ZDHHC21: variants seen among roughly 807,000 people sequenced by gnomAD.
ZDHHC21 encodes palmitoyltransferase ZDHHC21.
A neutral mutation model predicts 34.6 loss-of-function variants in ZDHHC21; 15 were observed. That is an observed-to-expected ratio of 0.43 (90% confidence interval 0.29 to 0.67). ZDHHC21 has a LOEUF of 0.67. Among genes scored for constraint, ZDHHC21 ranks in the 30% least tolerant of loss-of-function variants. The pLI is 0.14. For synonymous variants in ZDHHC21, 142 were observed against 101.8 expected (o/e 1.40, Z -2.38); for missense variants, 344 against 327.7 (o/e 1.05, Z -0.38).
In ZDHHC21 at chr9:14,691,975, T is replaced by C. The variant is rs928981292; in HGVS notation, c.-225+1254A>G. ...GGTATAGAGAAAATAACATGGGTCA[T>C]TGCCCTACCTGTAAACCCACAGCTG... On this transcript the variant is annotated intron_variant, in intron 1 of 9. Transcript: ENST00000380916. Among the ~76,000 whole-genome samples the C allele has an allele frequency of 2.6e-5, 4 of 152,228 alleles. No homozygotes were observed. In the South Asian group the frequency reaches 6.2e-4, roughly 24 times the overall value.
intron 6 of ZDHHC21, among the ~76,000 whole-genome samples, chr9:14,661,654 C>G (rs1465557082): frequency 6.6e-6 from 1 of 152,142 alleles, no homozygotes; most frequent in Non-Finnish European, 1.5e-5. Flanking sequence ...TACAAGAGAG[C>G]CCCCTATTGA....
intron 7 of ZDHHC21, among the ~76,000 whole-genome samples, chr9:14,657,344 C>A (rs1832432230): frequency 1.3e-5 from 2 of 152,056 alleles, no homozygotes; most frequent in East Asian, 3.8e-4. Flanking sequence ...TATATTATTT[C>A]ATTTAATCTC....
chr9:14,658,464 CTTTTTTT>C (rs769819264), intron 7 of ZDHHC21, among the ~76,000 whole-genome samples: 6 of 65,390 alleles, frequency 9.2e-5, no homozygotes, highest in Admixed American at 2.7e-4. Flanking sequence ...ATAAACATTT[CTTTTTTT>C]TTTTTTTTTT....
At chr9:14,642,683 G>A (rs750506252) in intron 7 of ZDHHC21, among the ~76,000 whole-genome samples, 1 of 152,164 alleles carries the variant, frequency 6.6e-6, no homozygotes, top group Non-Finnish European at 1.5e-5. Context: ...AGAGAAGGTG[G>A]TTATCTGCAA....
intron 8 of ZDHHC21, among the ~76,000 whole-genome samples, chr9:14,621,146 A>C (rs987745837): frequency 3.3e-5 from 5 of 152,072 alleles, no homozygotes; most frequent in Non-Finnish European, 5.9e-5. Flanking sequence ...CTTACACAAA[A>C]GTACGAAGAA....
intron 2 of ZDHHC21, among the ~76,000 whole-genome samples, chr9:14,681,322 C>T (rs1837331785): frequency 6.6e-6 from 1 of 152,114 alleles, no homozygotes; most frequent in African/African-American, 2.4e-5. Context: ...TGGGCTCAAG[C>T]AATCCTCCTG....
At chr9:14,625,775 A>C (rs1466323216) in intron 8 of ZDHHC21, among the ~76,000 whole-genome samples, 1 of 151,734 alleles carries the variant, frequency 6.6e-6, no homozygotes, top group Non-Finnish European at 1.5e-5. Context: ...ACTACAAGAG[A>C]CTACACATAT....
At chr9:14,658,464 C>CTT (rs769819264) in intron 7 of ZDHHC21, among the ~76,000 whole-genome samples, 922 of 65,340 alleles carry the variant, frequency 0.014, 365 homozygotes, top group East Asian at 0.078. Context: ...ATAAACATTT[C>CTT]TTTTTTTTTT....
At chr9:14,634,863 T>C (rs1321530204) in intron 8 of ZDHHC21, among the ~76,000 whole-genome samples, 1 of 152,034 alleles carries the variant, frequency 6.6e-6, no homozygotes, top group East Asian at 1.9e-4. Context: ...AAGATATATA[T>C]GAAATCCCAG....
intron 8 of ZDHHC21, among the ~76,000 whole-genome samples, chr9:14,628,572 G>A (rs186694925): frequency 2.3e-5 from 2 of 86,460 alleles, no homozygotes; most frequent in Admixed American, 2.6e-4. Context: ...GGATCTTTAG[G>A]GTGCAAGAGT....
intron 7 of ZDHHC21, among the ~76,000 whole-genome samples, chr9:14,653,784 C>T (rs1173625561): frequency 6.6e-6 from 1 of 151,974 alleles, no homozygotes; most frequent in Non-Finnish European, 1.5e-5. Context: ...ATTAAAATCA[C>T]CTGGGAAGAA....
intron 8 of ZDHHC21, among the ~76,000 whole-genome samples, chr9:14,631,206 A>C (rs1449211839): frequency 6.6e-6 from 1 of 152,178 alleles, no homozygotes; most frequent in Non-Finnish European, 1.5e-5. Context: ...TCTTTTGGAT[A>C]ATTTGTTGCA....
chr9:14,658,743 T>G lies in ZDHHC21; in HGVS notation c.504+6A>C. The G allele has an allele frequency of 1.9e-6, 3 of 1,613,326 alleles. No individual in the cohort carries two copies. The South Asian group carries it at 3.3e-5, about 18-fold the overall frequency. On this transcript the variant is annotated splice_donor_region_variant and intron_variant, in intron 7 of 9. Transcript: ENST00000380916. ...GCCTCGGCCTCCCAATATAAACATT[T>G]CTTACCAAATTACGCTTTTTTAGTG...
In ZDHHC21 at chr9:14,614,290, G is replaced by C. The variant is rs1823813562; in HGVS notation, c.*4676C>G. The C allele has an allele frequency of 1.2e-5, 1 of 83,194 alleles. No homozygotes were observed. Among genetic ancestry groups the C allele is most frequent in the African/African-American group, 4.6e-5 (1 of 21,782 alleles). The allele number at this position is 83,194 out of a possible 1,614,324, so 5.2% of individuals were successfully genotyped here. A position where few individuals can be genotyped will look rare whatever the true frequency, so the allele number is the denominator to read the frequency against. On this transcript the variant is annotated 3_prime_UTR_variant, in exon 10 of 10. Coordinates refer to ENST00000380916, the MANE Select transcript of ZDHHC21 (RefSeq NM_178566.6). ...AATATAATGATAATGGAAAGTATCA[G>C]TAATATCAATGACTTTTTAAAATAC...
chr9:14,649,092 T>C (rs185833385), intron 7 of ZDHHC21, among the ~76,000 whole-genome samples: 5 of 152,088 alleles, frequency 3.3e-5, no homozygotes, highest in African/African-American at 7.2e-5. Flanking sequence ...TAGATGCCAG[T>C]AGCACTCCCC....
At chr9:14,690,534 G>A (rs1266412136) in intron 1 of ZDHHC21, 149 bp from the exon 2 acceptor site, 10 of 346,578 alleles carry the variant, frequency 2.9e-5, no homozygotes, top group East Asian at 8.4e-5. Flanking sequence ...GCAACACATC[G>A]GTTAAGAGAG....
chr9:14,683,609 T>C (rs1488257303), intron 2 of ZDHHC21: 1 of 152,148 alleles, frequency 6.6e-6, no homozygotes, highest in African/African-American at 2.4e-5. Flanking sequence ...CACAGCCAAA[T>C]TCTACCAGAG....
intron 7 of ZDHHC21, among the ~76,000 whole-genome samples, chr9:14,652,545 A>G (rs1383193347): frequency 2.6e-5 from 4 of 152,012 alleles, no homozygotes; most frequent in African/African-American, 7.2e-5. Flanking sequence ...GCATTAAGTT[A>G]CTATAAAAAA....
chr9:14,609,176 CA>C (rs33974270), downstream of ZDHHC21, among the ~76,000 whole-genome samples: 115,046 of 151,888 alleles, frequency 0.76, 44,304 homozygotes, highest in African/African-American at 0.9. Flanking sequence ...GATGAAACAG[CA>C]AAAAACCATT....
Sources: gnomAD v4.1 joint callset for allele counts (sites outside exome capture counted in the v4.1 genomes callset) on GRCh38, gnomAD v4.1.1 for gene constraint, MANE v1.5 for transcripts, NCBI Gene and HGNC (gene_info 2026-07-23, HGNC 2026-07-21) for gene names.